The following PHF12 variants were observed in gnomAD, a reference collection of about 807,000 sequenced individuals.
PHF12 encodes the protein PHD finger protein 12.
A neutral mutation model predicts 99.8 loss-of-function variants in PHF12; 6 were observed. That is an observed-to-expected ratio of 0.06 (90% confidence interval 0.03 to 0.12). The LOEUF is 0.12. PHF12 is among the 10% of genes least tolerant of loss of function. PHF12 has a pLI of 1.00. For missense variants in PHF12, 954 were observed against 1,300.1 expected (o/e 0.73, Z 4.09); for synonymous variants, 480 against 514.9 (o/e 0.93, Z 0.92).
chr17:28,939,468 G>A (rs577171494), intron 2 of PHF12, among the ~76,000 whole-genome samples: 2 of 152,338 alleles, frequency 1.3e-5, no homozygotes, highest in East Asian at 3.9e-4. Context: ...ATTGATGACT[G>A]CTAATTGAAA....
At chr17:28,918,490 G>A (rs747267366) in intron 6 of PHF12, among the ~76,000 whole-genome samples, 3 of 152,212 alleles carry the variant, frequency 2.0e-5, no homozygotes, top group Non-Finnish European at 2.9e-5. Context: ...TGCCATGAAG[G>A]CCAACGGTCA....
intron 9 of PHF12, 139 bp from the exon 10 acceptor site, chr17:28,911,376 C>T: frequency 8.3e-7 from 1 of 1,202,886 alleles, no homozygotes; most frequent in Non-Finnish European, 1.1e-6. Flanking sequence ...GGCTCTGGAA[C>T]TCCTAGAGCT....
chr17:28,906,179 A>G lies in PHF12; in HGVS notation c.*4T>C. ...ACAGGCCAGTGGCGGGGTAGCCGCC[A>G]GTCCTAAGGAACAGAGTTGGAGCGC... On this transcript the variant is annotated 3_prime_UTR_variant, in exon 15 of 15. Transcript: ENST00000332830. The surrounding 1 kb of genome is among the most constrained non-coding windows in gnomAD (Gnocchi z 4.2). 2.6e-6 allele frequency: 4 copies of G among 1,563,558 alleles called. No individual in the cohort carries two copies. The highest frequency in any genetic ancestry group is 3.5e-6 in the Non-Finnish European group (4 of 1,149,354).
chr17:28,938,141 T>TTA (rs1358863579), intron 2 of PHF12, among the ~76,000 whole-genome samples: 2 of 152,190 alleles, frequency 1.3e-5, no homozygotes, highest in Admixed American at 1.3e-4. Flanking sequence ...AGTTTACAGT[T>TTA]TATATATATT....
chr17:28,918,647 G>A (rs980506109), intron 6 of PHF12, among the ~76,000 whole-genome samples: 2 of 152,190 alleles, frequency 1.3e-5, no homozygotes, highest in African/African-American at 2.4e-5. Context: ...ATAAAGAGAT[G>A]TCCTAAACTT....
intron 7 of PHF12, among the ~76,000 whole-genome samples, chr17:28,915,395 A>G (rs2040043559): frequency 6.7e-6 from 1 of 148,424 alleles, no homozygotes; most frequent in Non-Finnish European, 1.5e-5. Context: ...GGAAGAGCAG[A>G]TGTGGAGAGG....
At chr17:28,928,401 C>T (rs576265138) in intron 2 of PHF12, 1 of 152,328 alleles carries the variant, frequency 6.6e-6, no homozygotes, top group South Asian at 2.1e-4. Context: ...ACTCCTGTAT[C>T]TTGGACCTCT....
chr17:28,908,182 G>C (rs1195321237), intron 12 of PHF12: 1 of 160,748 alleles, frequency 6.2e-6, no homozygotes, highest in Non-Finnish European at 1.4e-5. Context: ...CAGGGACAAA[G>C]CATCTGCCTT....
intron 2 of PHF12, chr17:28,944,503 C>A: frequency 1.0e-6 from 1 of 983,896 alleles, no homozygotes; most frequent in Non-Finnish European, 1.2e-6. Flanking sequence ...TGAACATTAC[C>A]GTATCTTCCA....
At position 28,951,090 on chromosome 17, in the gene PHF12, G is replaced by A. The variant is rs111990262; in HGVS notation, c.-130C>T. ...TCCCAATACGGGTCCCGACTTCCTC[G>A]CCCTGGCTCCCCCCCACCCCCCGGC... On this transcript the variant is annotated 5_prime_UTR_variant, in exon 1 of 15. Transcript: ENST00000332830. 6.8e-7 allele frequency: 1 copy of A among 1,478,044 alleles called. No individual in the cohort carries two copies. Among genetic ancestry groups the A allele is most frequent in the Non-Finnish European group, 9.0e-7 (1 of 1,113,004 alleles). 91.6% of individuals were successfully genotyped at this position (1,478,044 alleles called of 1,614,324 possible). A position where few individuals can be genotyped will look rare whatever the true frequency, so the allele number is the denominator to read the frequency against.
rs757985304 is a variant in PHF12 at position 28,913,181 on chromosome 17, C to A, written c.1390G>T (p.Ala464Ser). ...GTCACAATAACAGGCTTAATATCAG[C>A]CTTCTCTGTCTGTTCAGAGTCCCAA... is the stretch of plus-strand genomic sequence containing the variant. ...SHWDSEQTEK[A>S]DIKPVIVTDS... The change falls in exon 9 of 15, where the codon GCT becomes TCT. Residue 464 changes from alanine to serine, a missense_variant. By Grantham distance (99) the Ala-to-Ser change is moderately conservative (BLOSUM62 1). Around this residue, in one of 8 missense-constraint regions of PHF12, gnomAD observed 392 missense variants for 423.1 expected, o/e 0.93. Transcript: ENST00000332830. The A allele has an allele frequency of 6.2e-7, 1 of 1,614,018 alleles. No homozygotes were observed. The highest frequency in any genetic ancestry group is 1.3e-5 in the African/African-American group (1 of 74,900).
intron 5 of PHF12, among the ~76,000 whole-genome samples, chr17:28,921,476 T>A (rs573585667): frequency 1.3e-5 from 2 of 152,306 alleles, no homozygotes; most frequent in Admixed American, 1.3e-4. Context: ...CTCAACACAG[T>A]TCACAGTACT....
intron 2 of PHF12, among the ~76,000 whole-genome samples, chr17:28,942,170 G>A (rs971979631): frequency 1.3e-5 from 2 of 152,230 alleles, no homozygotes; most frequent in Non-Finnish European, 2.9e-5. Flanking sequence ...GCTCACGGAA[G>A]AAACTCTTAA....
chr17:28,917,204 G>A, intron 7 of PHF12, 81 bp downstream of exon 7: 1 of 1,590,684 alleles, frequency 6.3e-7, no homozygotes, highest in Non-Finnish European at 8.6e-7. Flanking sequence ...TTCCCTGCCT[G>A]TAAAATTGGG....
chr17:28,923,463 G>A (rs944778041), intron 4 of PHF12, among the ~76,000 whole-genome samples: 1 of 151,438 alleles, frequency 6.6e-6, no homozygotes, highest in African/African-American at 2.4e-5. Flanking sequence ...TTCAAGACCA[G>A]CCTGAACAAC....
chr17:28,913,580 C>T (rs1598122645), intron 8 of PHF12, among the ~76,000 whole-genome samples: 1 of 152,196 alleles, frequency 6.6e-6, no homozygotes, highest in East Asian at 1.9e-4. Flanking sequence ...TGTGGTATGT[C>T]CAGCACTATC....
intron 7 of PHF12, among the ~76,000 whole-genome samples, chr17:28,915,667 A>G (rs1021439311): frequency 6.6e-6 from 1 of 152,142 alleles, no homozygotes; most frequent in African/African-American, 2.4e-5. Flanking sequence ...TGAAGGGCTA[A>G]GTGGAAGAGA....
intron 2 of PHF12, among the ~76,000 whole-genome samples, chr17:28,929,347 A>G (rs1190153803): frequency 1.3e-5 from 2 of 151,774 alleles, no homozygotes; most frequent in Non-Finnish European, 1.5e-5. Context: ...TGTTCAAGCA[A>G]TTCTCCCGCC....
chr17:28,940,339 G>C (rs925229173), intron 2 of PHF12, among the ~76,000 whole-genome samples: 6 of 152,224 alleles, frequency 3.9e-5, no homozygotes, highest in Non-Finnish European at 8.8e-5. Context: ...AGTTTAGTGA[G>C]CATTTATGTA....
Sources: allele counts gnomAD v4.1 joint callset (sites outside exome capture counted in the v4.1 genomes callset), GRCh38; gene constraint gnomAD v4.1.1; regional missense constraint gnomAD v4.1.1; non-coding constraint Gnocchi (gnomAD v3.1); transcripts MANE v1.5; gene names NCBI Gene and HGNC (gene_info 2026-07-23, HGNC 2026-07-21).